The following CCSER1 variants were observed in gnomAD, a reference collection of about 807,000 sequenced individuals.
CCSER1 encodes coiled-coil serine rich protein 1.
CCSER1 carries 41 observed loss-of-function variants against 82.0 expected under a neutral mutation model. That is an observed-to-expected ratio of 0.50 (90% CI 0.39 to 0.65). The LOEUF (loss-of-function observed/expected upper bound fraction) is 0.65, where lower values mean the gene tolerates loss of function less well. Among genes scored for constraint, CCSER1 ranks in the 30% least tolerant of loss-of-function variants. The pLI is 0.00. For missense variants in CCSER1, 1,119 were observed against 1,064.2 expected, an observed-to-expected ratio of 1.05 and a Z score of -0.72; for synonymous variants, 414 against 383.9, an observed-to-expected ratio of 1.08 and a Z score of -0.92.
intron 10 of CCSER1, among the ~76,000 whole-genome samples, chr4:91,170,923 C>G (rs925746033): frequency 6.6e-6 from 1 of 152,192 alleles, no homozygotes; most frequent in African/African-American, 2.4e-5. Context: ...ACAACCCAGC[C>G]TCAGCACCCT....
chr4:90,409,695 A>G (rs769045635), intron 4 of CCSER1, among the ~76,000 whole-genome samples: 2 of 152,240 alleles, frequency 1.3e-5, no homozygotes, highest in South Asian at 2.1e-4. Context: ...TTTAAAGACC[A>G]TCAAGGCTAG....
chr4:90,478,418 G>A (rs1578681088), intron 5 of CCSER1, among the ~76,000 whole-genome samples: 1 of 151,994 alleles, frequency 6.6e-6, no homozygotes, highest in Non-Finnish European at 1.5e-5. Flanking sequence ...TTGAAATATT[G>A]TGTGTGTAGG....
intron 10 of CCSER1, among the ~76,000 whole-genome samples, chr4:91,343,600 T>G (rs1388496231): frequency 6.6e-6 from 1 of 152,148 alleles, no homozygotes; most frequent in East Asian, 1.9e-4. Flanking sequence ...TTAAGGAACG[T>G]TTATTTACAG....
At chr4:90,920,799 C>T (rs1324275688) in intron 8 of CCSER1, among the ~76,000 whole-genome samples, 2 of 151,662 alleles carry the variant, frequency 1.3e-5, no homozygotes, top group East Asian at 3.9e-4. Context: ...GTGTCCCCTC[C>T]CCTCTAAGCA....
chr4:90,574,787 A>G (rs1268638777), intron 5 of CCSER1, among the ~76,000 whole-genome samples: 1 of 151,972 alleles, frequency 6.6e-6, no homozygotes, highest in Non-Finnish European at 1.5e-5. Context: ...TGTTATATTA[A>G]CCAAATCATT....
At chr4:90,214,756 A>G (rs768598745) in intron 1 of CCSER1, among the ~76,000 whole-genome samples, 7 of 152,092 alleles carry the variant, frequency 4.6e-5, no homozygotes, top group Non-Finnish European at 8.8e-5. Context: ...TTAAAAAAAC[A>G]TTTTTCTACT....
At chr4:90,375,086 A>C (rs944684239) in intron 3 of CCSER1, among the ~76,000 whole-genome samples, 1 of 152,196 alleles carries the variant, frequency 6.6e-6, no homozygotes, top group Non-Finnish European at 1.5e-5. Flanking sequence ...AAAGGATCTT[A>C]GTTTGGCAGC....
At chr4:90,991,106 T>TC (rs1293301089) in intron 9 of CCSER1, among the ~76,000 whole-genome samples, 1 of 151,848 alleles carries the variant, frequency 6.6e-6, no homozygotes, top group Non-Finnish European at 1.5e-5. Flanking sequence ...GGTTGAAGTC[T>TC]CTTGATCCTG....
At chr4:91,291,123 A>C (rs1170154151) in intron 10 of CCSER1, among the ~76,000 whole-genome samples, 10 of 151,792 alleles carry the variant, frequency 6.6e-5, no homozygotes, top group Admixed American at 6.6e-4. Flanking sequence ...AATATCTGTA[A>C]GCACCCAAGA....
chr4:90,403,235 C>T (rs976172860), intron 4 of CCSER1, among the ~76,000 whole-genome samples: 2 of 152,090 alleles, frequency 1.3e-5, no homozygotes, highest in African/African-American at 4.8e-5. Flanking sequence ...CGCGGTGGCT[C>T]ACGCCTGTAA....
chr4:90,226,475 G>A (rs1443420369), intron 1 of CCSER1, among the ~76,000 whole-genome samples: 1 of 152,126 alleles, frequency 6.6e-6, no homozygotes, highest in Non-Finnish European at 1.5e-5. Flanking sequence ...AGGGATATGG[G>A]GTGTTAAAAT....
At chr4:91,430,205 AG>A (rs1196729137) in intron 10 of CCSER1, among the ~76,000 whole-genome samples, 3 of 152,144 alleles carry the variant, frequency 2.0e-5, no homozygotes, top group African/African-American at 4.8e-5. Context: ...TCAAAAGAAT[AG>A]GGGGAAAAAA....
intron 5 of CCSER1, among the ~76,000 whole-genome samples, chr4:90,498,292 C>G (rs1202220938): frequency 6.6e-6 from 1 of 151,924 alleles, no homozygotes; most frequent in African/African-American, 2.4e-5. Flanking sequence ...TAGTCTCTCC[C>G]TCTCTTTCAA....
intron 6 of CCSER1, among the ~76,000 whole-genome samples, chr4:90,723,334 G>C (rs1425510424): frequency 6.6e-6 from 1 of 151,828 alleles, no homozygotes; most frequent in Non-Finnish European, 1.5e-5. Flanking sequence ...TCTTACATTT[G>C]TGTAAATCTT....
intron 10 of CCSER1, among the ~76,000 whole-genome samples, chr4:91,350,165 T>C (rs1299069599): frequency 1.3e-5 from 2 of 152,130 alleles, no homozygotes; most frequent in Non-Finnish European, 2.9e-5. Context: ...TTGCTTCCCA[T>C]GTAAACTTTT....
intron 10 of CCSER1, among the ~76,000 whole-genome samples, chr4:91,157,329 C>G (rs556533259): frequency 6.6e-6 from 1 of 152,010 alleles, no homozygotes. Flanking sequence ...GAAGTAACAA[C>G]ATAGGAGGAA....
intron 10 of CCSER1, among the ~76,000 whole-genome samples, chr4:91,158,714 A>G (rs1731077859): frequency 6.6e-6 from 1 of 151,824 alleles, no homozygotes; most frequent in African/African-American, 2.4e-5. Context: ...CGGCCTTGTA[A>G]GACTTTAGTT....
chr4:90,667,074 A>G (rs914747491), intron 6 of CCSER1, among the ~76,000 whole-genome samples: 2 of 152,176 alleles, frequency 1.3e-5, no homozygotes, highest in Non-Finnish European at 2.9e-5. Context: ...TTAACACCGA[A>G]TCGACTTCAG....
intron 10 of CCSER1, among the ~76,000 whole-genome samples, chr4:91,546,470 C>A (rs1366767595): frequency 6.6e-6 from 1 of 152,032 alleles, no homozygotes; most frequent in African/African-American, 2.4e-5. Context: ...TGAGGTTTGA[C>A]AAATTGTTTT....
Sources: gnomAD v4.1 joint callset for allele counts (sites outside exome capture counted in the v4.1 genomes callset) on GRCh38, gnomAD v4.1.1 for gene constraint, MANE v1.5 for transcripts, NCBI Gene and HGNC (gene_info 2026-07-23, HGNC 2026-07-21) for gene names.